DLG2: variants seen among roughly 807,000 people sequenced by gnomAD.
DLG2 encodes disks large homolog 2.
DLG2 carries 45 observed loss-of-function variants against 132.5 expected under a neutral mutation model. The observed-to-expected ratio is 0.34, with a 90% CI of 0.27 to 0.44. DLG2 has a LOEUF of 0.44. DLG2 is among the 20% of genes least tolerant of loss of function. The pLI, the probability that DLG2 is intolerant of heterozygous loss-of-function variation, is 1.00. For missense variants in DLG2, 1,045 were observed against 1,196.9 expected, an observed-to-expected ratio of 0.87 and a Z score of 1.87; for synonymous variants, 424 against 419.6, an observed-to-expected ratio of 1.01 and a Z score of -0.13.
intron 2 of DLG2, among the ~76,000 whole-genome samples, chr11:85,604,474 T>A (rs954059621): frequency 2.0e-5 from 3 of 152,180 alleles, no homozygotes; most frequent in Non-Finnish European, 4.4e-5. Context: ...TCTCCATAAA[T>A]TGAATAAAGT....
At chr11:84,537,076 CTAT>C (rs1159939301) in intron 6 of DLG2, among the ~76,000 whole-genome samples, 2 of 126,634 alleles carry the variant, frequency 1.6e-5, no homozygotes, top group Non-Finnish European at 3.4e-5. Flanking sequence ...AACCCTACTA[CTAT>C]ATATGCTGAA....
At chr11:83,859,812 G>C (rs1344146468) in intron 16 of DLG2, among the ~76,000 whole-genome samples, 3 of 152,094 alleles carry the variant, frequency 2.0e-5, no homozygotes, top group African/African-American at 7.2e-5. Flanking sequence ...TGGAGGTTTA[G>C]GGGGAAAAAA....
chr11:85,269,727 G>A (rs919696418), intron 4 of DLG2, among the ~76,000 whole-genome samples: 1 of 152,124 alleles, frequency 6.6e-6, no homozygotes, highest in Non-Finnish European at 1.5e-5. Context: ...AAAGAGAGAA[G>A]AAAAAGAATT....
chr11:85,157,426 G>A (rs896927129), intron 4 of DLG2, among the ~76,000 whole-genome samples: 3 of 152,208 alleles, frequency 2.0e-5, no homozygotes, highest in Middle Eastern at 3.4e-3. Flanking sequence ...ATAGTCCTTG[G>A]CATGAACTGT....
At chr11:85,294,884 A>C (rs2079123690) in intron 3 of DLG2, among the ~76,000 whole-genome samples, 1 of 152,176 alleles carries the variant, frequency 6.6e-6, no homozygotes, top group Admixed American at 6.6e-5. Context: ...AGATGCAATA[A>C]GATGTGCATG....
At chr11:84,265,651 A>G (rs1381889309) in intron 7 of DLG2, among the ~76,000 whole-genome samples, 1 of 152,136 alleles carries the variant, frequency 6.6e-6, no homozygotes, top group African/African-American at 2.4e-5. Flanking sequence ...AGTTTATACT[A>G]CTTTGAAAAT....
intron 6 of DLG2, among the ~76,000 whole-genome samples, chr11:84,576,286 TTATC>T (rs1198154712): frequency 6.6e-6 from 1 of 152,246 alleles, no homozygotes; most frequent in Admixed American, 6.5e-5. Flanking sequence ...TAATATGTGT[TTATC>T]TACCTTTCTA....
chr11:85,399,871 G>A (rs2087863930), intron 3 of DLG2, among the ~76,000 whole-genome samples: 1 of 152,052 alleles, frequency 6.6e-6, no homozygotes, highest in South Asian at 2.1e-4. Flanking sequence ...ATAGGCATGG[G>A]CAAGGACTTC....
At chr11:83,975,521 G>A (rs926090463) in intron 12 of DLG2, among the ~76,000 whole-genome samples, 4 of 151,974 alleles carry the variant, frequency 2.6e-5, no homozygotes, top group Non-Finnish European at 5.9e-5. Context: ...GAGGTTTATT[G>A]CAAAGGTAAC....
chr11:85,266,114 G>A (rs1008423613), intron 4 of DLG2, among the ~76,000 whole-genome samples: 1 of 152,248 alleles, frequency 6.6e-6, no homozygotes, highest in Non-Finnish European at 1.5e-5. Flanking sequence ...CATAGACAGT[G>A]TAGCTAAGAG....
chr11:84,194,879 A>T (rs1196725761), intron 8 of DLG2, among the ~76,000 whole-genome samples: 1 of 152,092 alleles, frequency 6.6e-6, no homozygotes, highest in Non-Finnish European at 1.5e-5. Flanking sequence ...GGCGCTGGCC[A>T]GCTGCTCCAA....
intron 18 of DLG2, among the ~76,000 whole-genome samples, chr11:83,756,036 G>A (rs954323727): frequency 2.0e-5 from 3 of 151,068 alleles, no homozygotes; most frequent in South Asian, 2.1e-4. Flanking sequence ...TCTATTCCTC[G>A]GTATATTTAA....
chr11:84,429,181 T>C (rs1054462721), intron 7 of DLG2, among the ~76,000 whole-genome samples: 7 of 152,216 alleles, frequency 4.6e-5, no homozygotes, highest in African/African-American at 1.7e-4. Flanking sequence ...TTGTGTATAG[T>C]CATTTGGCAT....
chr11:84,002,257 T>C (rs1178296259), intron 11 of DLG2, among the ~76,000 whole-genome samples: 3 of 152,206 alleles, frequency 2.0e-5, no homozygotes, highest in African/African-American at 7.2e-5. Flanking sequence ...TCTGTTTTCA[T>C]ACTGCTATAG....
chr11:84,890,893 G>C (rs1284899548), intron 6 of DLG2: 4 of 152,320 alleles, frequency 2.6e-5, no homozygotes, highest in Admixed American at 6.5e-5. Flanking sequence ...ATGTCATGCT[G>C]GGGGACAGAG....
At chr11:83,987,006 A>C (rs1352473985) in intron 11 of DLG2, among the ~76,000 whole-genome samples, 1 of 152,038 alleles carries the variant, frequency 6.6e-6, no homozygotes, top group Non-Finnish European at 1.5e-5. Flanking sequence ...CCCATTTTGT[A>C]GGTTGCCTGT....
At chr11:83,775,928 T>G (rs998035080) in intron 18 of DLG2, among the ~76,000 whole-genome samples, 16 of 151,866 alleles carry the variant, frequency 1.1e-4, no homozygotes, top group African/African-American at 3.6e-4. Context: ...TCGTCTCTAC[T>G]AAAAATACAA....
At chr11:83,666,958 T>G (rs2075725236) in intron 18 of DLG2, among the ~76,000 whole-genome samples, 1 of 152,180 alleles carries the variant, frequency 6.6e-6, no homozygotes. Flanking sequence ...CCATTTGCCT[T>G]GAGTCTGTGA....
chr11:84,851,839 T>C (rs1250809959), intron 6 of DLG2, among the ~76,000 whole-genome samples: 2 of 151,826 alleles, frequency 1.3e-5, no homozygotes. Context: ...TTATATTCTA[T>C]ATATGTTAAA....
Sources: gnomAD v4.1 joint callset for allele counts (sites outside exome capture counted in the v4.1 genomes callset) on GRCh38, gnomAD v4.1.1 for gene constraint, MANE v1.5 for transcripts, NCBI Gene and HGNC (gene_info 2026-07-23, HGNC 2026-07-21) for gene names.